Variants in BRCC3 observed in about 807,000 individuals in gnomAD.
The protein encoded by BRCC3 is lys-63-specific deubiquitinase BRCC36.
Under a neutral mutation model 28.0 loss-of-function variants are expected in BRCC3, and 15 were observed. The observed-to-expected ratio is 0.54, with a 90% CI of 0.36 to 0.82. The LOEUF is 0.82. Among genes scored for constraint, BRCC3 ranks in the 40% least tolerant of loss-of-function variants. The probability of loss-of-function intolerance (pLI) is 0.01; values close to 1 mark genes in which losing one functional copy is unlikely to be tolerated. For synonymous variants in BRCC3, 66 were observed against 80.3 expected (o/e 0.82, Z 0.95); for missense variants, 109 against 225.9 (o/e 0.48, Z 3.32).
chrX:155,090,084 G>A (rs962382173), intron 6 of BRCC3, among the ~76,000 whole-genome samples: 4 of 112,125 alleles, frequency 3.6e-5, no homozygotes, highest in Non-Finnish European at 7.5e-5. Context: ...GGTGCTTTAC[G>A]TAAATATGCT....
intron 7 of BRCC3, among the ~76,000 whole-genome samples, chrX:155,092,594 C>T (rs1234611626): frequency 1.8e-5 from 2 of 111,030 alleles, no homozygotes; most frequent in Non-Finnish European, 3.8e-5. Flanking sequence ...GCTTTTTCCC[C>T]TTATTTTTCT....
rs1557293442 is a variant in BRCC3 at position 155,075,355 on chromosome X, C to T, written c.196-1815C>T. 4.8e-4 allele frequency among the ~76,000 whole-genome samples: 27 copies of T among 56,437 alleles called. 1 individual carries two copies. The highest frequency in any genetic ancestry group is 3.8e-3 in the Admixed American group (21 of 5,463). 49.0% of individuals were successfully genotyped at this position (56,437 alleles called of 115,157 possible). ...CACTCCCCTTGATTCAGGCCAAGAC[C>T]TCTGCTCCCTTTCTCCACACCTTTT... On this transcript the variant is annotated intron_variant, in intron 3 of 10. Transcript: ENST00000330045.
intron 7 of BRCC3, among the ~76,000 whole-genome samples, chrX:155,093,278 A>G (rs2074186471): frequency 9.0e-6 from 1 of 110,716 alleles, no homozygotes; most frequent in Non-Finnish European, 1.9e-5. Context: ...TAGTTCCTGG[A>G]GAGAGGAAAT....
chrX:155,087,198 G>C lies in BRCC3; in HGVS notation c.404-2065G>C, dbSNP rs782049885. ...CCAAGGGGTAGACAATGCTCAGAGGGGGTACATCCATTAGGACGGGATGCC... is the reference window on the plus strand; with the variant it reads ...CCAAGGGGTAGACAATGCTCAGAGGCGGTACATCCATTAGGACGGGATGCC... On this transcript the variant is annotated intron_variant, in intron 5 of 10. Coordinates refer to ENST00000330045, the MANE Select transcript of BRCC3 (RefSeq NM_001018055.3). 5.9e-3 allele frequency among the ~76,000 whole-genome samples: 666 copies of C among 111,948 alleles called. 6 individuals carry two copies. The highest frequency in any genetic ancestry group is 0.021 in the African/African-American group (638 of 30,742).
At chrX:155,080,756 T>C (rs2074079135) in intron 5 of BRCC3, among the ~76,000 whole-genome samples, 1 of 112,055 alleles carries the variant, frequency 8.9e-6, no homozygotes, top group South Asian at 3.7e-4. Context: ...TATTTTAACT[T>C]GTCTATGCCT....
At chrX:155,120,721 A>G (rs1389811152) in intron 10 of BRCC3, among the ~76,000 whole-genome samples, 1 of 111,346 alleles carries the variant, frequency 9.0e-6, no homozygotes, top group Non-Finnish European at 1.9e-5. Flanking sequence ...GCCCAACATG[A>G]GTTCTAGCAT....
chrX:155,114,659 A>G (rs1311343108), intron 7 of BRCC3, among the ~76,000 whole-genome samples: 1 of 110,194 alleles, frequency 9.1e-6, no homozygotes, highest in Non-Finnish European at 1.9e-5. Flanking sequence ...AGGGACTAGC[A>G]GGAGACTCAG....
At chrX:155,105,437 T>C (rs1462438585) in intron 7 of BRCC3, among the ~76,000 whole-genome samples, 3 of 111,534 alleles carry the variant, frequency 2.7e-5, no homozygotes, top group Non-Finnish European at 5.7e-5. Flanking sequence ...GAGCCGAGAT[T>C]GTGCCACTGC....
chrX:155,108,983 T>G (rs2074301596), intron 7 of BRCC3, among the ~76,000 whole-genome samples: 1 of 112,062 alleles, frequency 8.9e-6, no homozygotes, highest in Non-Finnish European at 1.9e-5. Flanking sequence ...CATTCGTGCT[T>G]AAATCTACAA....
At chrX:155,090,939 T>A in intron 7 of BRCC3, 100 bp downstream of exon 7, 1 of 599,121 alleles carries the variant, frequency 1.7e-6, no homozygotes, top group Non-Finnish European at 2.7e-6. Flanking sequence ...GGTAAGACAC[T>A]AAGACACTGC....
chrX:155,075,275 G>T (rs1557293340), intron 3 of BRCC3, among the ~76,000 whole-genome samples: 4 of 111,384 alleles, frequency 3.6e-5, no homozygotes, highest in African/African-American at 1.3e-4. Flanking sequence ...ATCTGATAAT[G>T]CTAAGCCCAC....
intron 3 of BRCC3, 132 bp from the exon 4 acceptor site, chrX:155,077,038 C>T (rs1236362948): frequency 2.1e-5 from 11 of 517,864 alleles, no homozygotes; most frequent in South Asian, 5.8e-5. Flanking sequence ...TTTCATTATT[C>T]GTGAGAAAAG....
At position 155,089,361 on chromosome X, in the gene BRCC3, G is replaced by GT; in HGVS notation, c.492+11dup. The GT allele has an allele frequency of 1.9e-6, 2 of 1,047,212 alleles. No homozygotes were observed. Among genetic ancestry groups the GT allele is most frequent in the South Asian group, 4.0e-5 (2 of 49,736 alleles). 86.3% of individuals were successfully genotyped at this position (1,047,212 alleles called of 1,213,427 possible). A position where few individuals can be genotyped will look rare whatever the true frequency, so the allele number is the denominator to read the frequency against. ...AGATAAGAACACAAAGGTATTGTGTGTGCATGTGTGTGTGTGTGTGTGTGT... is the reference window on the plus strand; with the variant it reads ...AGATAAGAACACAAAGGTATTGTGTGTTGCATGTGTGTGTGTGTGTGTGTGT... On this transcript the variant is annotated intron_variant, in intron 6 of 10. Coordinates refer to ENST00000330045, the MANE Select transcript of BRCC3 (RefSeq NM_001018055.3).
chrX:155,087,875 TGAATG>T (rs1237621893), intron 5 of BRCC3, among the ~76,000 whole-genome samples: 2 of 111,971 alleles, frequency 1.8e-5, no homozygotes, highest in African/African-American at 6.5e-5. Flanking sequence ...TAGATAAAAT[TGAATG>T]GAAGTAATGC....
chrX:155,105,260 A>G (rs1243896038), intron 7 of BRCC3, among the ~76,000 whole-genome samples: 1 of 111,765 alleles, frequency 8.9e-6, no homozygotes, highest in African/African-American at 3.3e-5. Flanking sequence ...AGGCGCGTGG[A>G]TCACTTGAGG....
chrX:155,119,846 T>C, intron 9 of BRCC3, 153 bp from the exon 10 acceptor site: 1 of 434,066 alleles, frequency 2.3e-6, no homozygotes. Flanking sequence ...CAGAAAATAG[T>C]TTACCAGTCC....
At chrX:155,072,419 G>C in intron 2 of BRCC3, 76 bp downstream of exon 2, 2 of 826,572 alleles carry the variant, frequency 2.4e-6, no homozygotes, top group Non-Finnish European at 3.6e-6. Context: ...GACTTTGGCA[G>C]TATTGTGTCC....
chrX:155,089,469 A>T, intron 6 of BRCC3, 118 bp downstream of exon 6: 1 of 451,302 alleles, frequency 2.2e-6, no homozygotes, highest in East Asian at 4.0e-5. Flanking sequence ...GAAAGGTTTC[A>T]AGGAAAAGGG....
chrX:155,103,125 A>G (rs2074257315), intron 7 of BRCC3, among the ~76,000 whole-genome samples: 1 of 112,677 alleles, frequency 8.9e-6, no homozygotes, highest in South Asian at 3.6e-4. Flanking sequence ...ATCTTGCAAC[A>G]TCATACTTTC....
Sources: allele counts gnomAD v4.1 joint callset (sites outside exome capture counted in the v4.1 genomes callset), GRCh38; gene constraint gnomAD v4.1.1; transcripts MANE v1.5; gene names NCBI Gene and HGNC (gene_info 2026-07-23, HGNC 2026-07-21).